MRPL37: variants seen among roughly 807,000 people sequenced by gnomAD.
The protein encoded by MRPL37 is large ribosomal subunit protein mL37.
Under a neutral mutation model 44.1 loss-of-function variants are expected in MRPL37, and 34 were observed. The observed-to-expected ratio is 0.77, with a 90% confidence interval of 0.59 to 1.03. The LOEUF (loss-of-function observed/expected upper bound fraction) is 1.03. Among genes scored for constraint, MRPL37 ranks in the 50% least tolerant of loss-of-function variants. MRPL37 has a pLI of 0.00. For missense variants in MRPL37, 532 were observed against 543.7 expected (o/e 0.98, Z 0.21); for synonymous variants, 212 against 219.5 (o/e 0.97, Z 0.30).
intron 5 of MRPL37, among the ~76,000 whole-genome samples, chr1:54,213,585 G>C (rs1006528285): frequency 3.9e-5 from 6 of 152,130 alleles, no homozygotes; most frequent in Admixed American, 1.3e-4. Flanking sequence ...TGGTTCGTTC[G>C]TAAAATATAG....
intron 3 of MRPL37, among the ~76,000 whole-genome samples, chr1:54,205,994 C>A (rs1049881838): frequency 6.6e-6 from 1 of 152,230 alleles, no homozygotes; most frequent in African/African-American, 2.4e-5. Flanking sequence ...AAATTAGCCA[C>A]TTTCAGCTTT....
At chr1:54,223,545 C>T (rs562231142), downstream of MRPL37, among the ~76,000 whole-genome samples, 12 of 152,322 alleles carry the variant, frequency 7.9e-5, no homozygotes, top group African/African-American at 2.2e-4. Context: ...CTGGTGTCAG[C>T]GACTTGCCTT....
At chr1:54,225,478 G>T, downstream of MRPL37, 7 of 1,155,216 alleles carry the variant, frequency 6.1e-6, no homozygotes, top group Non-Finnish European at 7.6e-6. Context: ...AACATATATC[G>T]TACACAAACT....
intron 5 of MRPL37, among the ~76,000 whole-genome samples, chr1:54,213,490 A>G (rs535096630): frequency 6.6e-6 from 1 of 152,350 alleles, no homozygotes; most frequent in East Asian, 1.9e-4. Context: ...CCAAATGGAT[A>G]GGGAGTGGAA....
At chr1:54,210,796 T>C (rs1165261100) in intron 4 of MRPL37, among the ~76,000 whole-genome samples, 1 of 152,198 alleles carries the variant, frequency 6.6e-6, no homozygotes, top group Non-Finnish European at 1.5e-5. Flanking sequence ...CCAGCTGGTC[T>C]GTCTGACCCC....
chr1:54,225,337 A>G (rs1644269999), downstream of MRPL37: 1 of 1,234,202 alleles, frequency 8.1e-7, no homozygotes, highest in South Asian at 4.1e-5. Flanking sequence ...CTTGTTATGC[A>G]CCAGGAACAA....
intron 1 of MRPL37, among the ~76,000 whole-genome samples, chr1:54,201,147 A>G (rs907094985): frequency 1.3e-5 from 2 of 152,198 alleles, no homozygotes; most frequent in East Asian, 1.9e-4. Context: ...TCCAGAGTCC[A>G]TGGAGAAGCT....
chr1:54,217,036 G>C (rs533945861), intron 6 of MRPL37, among the ~76,000 whole-genome samples: 9 of 152,166 alleles, frequency 5.9e-5, no homozygotes, highest in African/African-American at 1.9e-4. Flanking sequence ...GGCAGTAGCA[G>C]TATCTAAATA....
At chr1:54,201,605 C>T (rs1272142533) in intron 1 of MRPL37, among the ~76,000 whole-genome samples, 2 of 152,178 alleles carry the variant, frequency 1.3e-5, no homozygotes, top group African/African-American at 2.4e-5. Flanking sequence ...GTTCTGTAGG[C>T]TGTAATAAAA....
downstream of MRPL37, chr1:54,225,274 C>G: frequency 8.1e-7 from 1 of 1,234,274 alleles, no homozygotes; most frequent in Non-Finnish European, 1.0e-6. Context: ...TCCACAAGAA[C>G]ACAGAATTTG....
At chr1:54,224,475 AT>A (rs1346765425), downstream of MRPL37, among the ~76,000 whole-genome samples, 9 of 152,204 alleles carry the variant, frequency 5.9e-5, no homozygotes, top group Non-Finnish European at 1.2e-4. Context: ...CCAACCCGCC[AT>A]CCCCCATTTT....
rs772691342 is a variant in MRPL37, at chr1:54,200,472, C to T, written c.229C>T (p.Pro77Ser). Reference protein sequence around the residue: ...VPWLARPIFPPWDRGYKDPRF... With the variant: ...VPWLARPIFPSWDRGYKDPRF... The stretch of plus-strand genomic sequence containing the variant: ...CTGGCTGGCGCGGCCGATCTTTCCG[C>T]CCTGGGACCGCGGCTACAAGGACCC... Residue 77 changes from proline (P) to serine (S), a missense_variant, in exon 1 of 7, where the codon CCC (proline) becomes TCC (serine). Pro to Ser is a moderately conservative substitution (Grantham distance 74). Coordinates refer to ENST00000360840, the MANE Select transcript of MRPL37 (RefSeq NM_016491.4). The T allele has an allele frequency of 6.2e-7, 1 of 1,614,248 alleles. No individual in the cohort carries two copies. Among genetic ancestry groups the T allele is most frequent in the Non-Finnish European group, 8.5e-7 (1 of 1,180,050 alleles).
At chr1:54,206,411 C>T (rs1644123026) in intron 3 of MRPL37, among the ~76,000 whole-genome samples, 1 of 149,524 alleles carries the variant, frequency 6.7e-6, no homozygotes, top group Non-Finnish European at 1.5e-5. Flanking sequence ...AACGCCCGGC[C>T]TGTTTGTTTA....
At chr1:54,203,787 A>C (rs1241829292) in intron 1 of MRPL37, among the ~76,000 whole-genome samples, 1 of 152,120 alleles carries the variant, frequency 6.6e-6, no homozygotes, top group Non-Finnish European at 1.5e-5. Context: ...AAGGTTCTGC[A>C]TTCTAAAGGG....
At chr1:54,206,094 A>G (rs192603694) in intron 3 of MRPL37, among the ~76,000 whole-genome samples, 47 of 150,770 alleles carry the variant, frequency 3.1e-4, no homozygotes, top group African/African-American at 9.3e-4. Flanking sequence ...ATTTTTGTTT[A>G]TTTATTTATT....
At chr1:54,200,638 C>G (rs1284614306) in intron 1 of MRPL37, 49 bp downstream of exon 1, 1 of 1,516,186 alleles carries the variant, frequency 6.6e-7, no homozygotes, top group Admixed American at 2.1e-5. Context: ...CTAACCAGCA[C>G]CGACCCCGAC....
chr1:54,212,568 A>G lies in MRPL37; in HGVS notation c.900A>G (p.Arg300=). The change falls in exon 5 of 7, where the codon CGA becomes CGG. Residue 300 remains arginine (R), a synonymous_variant. Coordinates refer to ENST00000360840, the MANE Select transcript of MRPL37 (RefSeq NM_016491.4). ...TLYLLDKANL[R]PHRLQPDQLR... Reference sequence around the variant, plus strand: ...ACTTACTGGACAAAGCCAATTTACGACCACACCGCCTTCAACCAGATCAGC... The same window carrying G: ...ACTTACTGGACAAAGCCAATTTACGGCCACACCGCCTTCAACCAGATCAGC... The G allele has an allele frequency of 6.2e-7, 1 of 1,614,080 alleles. No individual in the cohort carries two copies. Among genetic ancestry groups the G allele is most frequent in the Non-Finnish European group, 8.5e-7 (1 of 1,180,004 alleles).
At position 54,212,667 on chromosome 1, in the gene MRPL37, G is replaced by A; in HGVS notation, c.990+9G>A. ...CCCGGCTCCTCTATGGGGTATGTAGGTGGAGAAGACCACTGAGTTGCTTTA... is the reference window on the plus strand; with the variant it reads ...CCCGGCTCCTCTATGGGGTATGTAGATGGAGAAGACCACTGAGTTGCTTTA... On this transcript the variant is annotated intron_variant, in intron 5 of 6. Coordinates refer to ENST00000360840, the MANE Select transcript of MRPL37 (RefSeq NM_016491.4). 6.2e-7 allele frequency: 1 copy of A among 1,614,150 alleles called. No homozygotes were observed. Among genetic ancestry groups the A allele is most frequent in the Non-Finnish European group, 8.5e-7 (1 of 1,179,998 alleles).
rs1427717586 is a variant in MRPL37 at position 54,212,687 on chromosome 1, G to C, written c.990+29G>C. 11 of 1,613,598 alleles carry C rather than the reference G, an allele frequency of 6.8e-6. No homozygotes were observed. The South Asian group carries it at 1.1e-4, about 16-fold the overall frequency. ...TGTAGGTGGAGAAGACCACTGAGTT[G>C]CTTTACGTGGTGTTGGTCTCCTCCC... On this transcript the variant is annotated intron_variant, in intron 5 of 6. Transcript: ENST00000360840.
Sources: gnomAD v4.1 joint callset for allele counts (sites outside exome capture counted in the v4.1 genomes callset) on GRCh38, gnomAD v4.1.1 for gene constraint, MANE v1.5 for transcripts, NCBI Gene and HGNC (gene_info 2026-07-23, HGNC 2026-07-21) for gene names.